RUNX1: variants seen among roughly 807,000 people sequenced by gnomAD.
RUNX1 encodes the protein runt-related transcription factor 1.
In RUNX1, 19 loss-of-function variants were observed where a neutral mutation model predicts 42.8. The observed-to-expected ratio is 0.44, with a 90% CI of 0.31 to 0.65. The LOEUF is 0.65. Ranked by LOEUF, RUNX1 falls within the 30% of genes least tolerant of loss-of-function variation. The pLI, the probability that RUNX1 is intolerant of heterozygous loss-of-function variation, is 0.07. For missense variants in RUNX1, 528 were observed against 672.0 expected (o/e 0.79, Z 2.37); for synonymous variants, 271 against 289.4 (o/e 0.94, Z 0.64).
intron 6 of RUNX1, among the ~76,000 whole-genome samples, chr21:34,839,244 C>T (rs565431815): frequency 2.0e-4 from 30 of 151,370 alleles, no homozygotes; most frequent in African/African-American, 6.9e-4. Flanking sequence ...CAACACCCAC[C>T]GACACACACA....
chr21:34,856,722 A>G (rs993634281), intron 6 of RUNX1, among the ~76,000 whole-genome samples: 1 of 152,120 alleles, frequency 6.6e-6, no homozygotes, highest in Non-Finnish European at 1.5e-5. Context: ...AAACTAGAGA[A>G]TTTTCCAAAA....
At chr21:35,046,059 CT>C (rs1198981246) in intron 2 of RUNX1, among the ~76,000 whole-genome samples, 1 of 152,232 alleles carries the variant, frequency 6.6e-6, no homozygotes, top group Admixed American at 6.5e-5. Flanking sequence ...TGCCGACACA[CT>C]GCACTTTTCA....
chr21:34,859,047 T>C lies in RUNX1; in HGVS notation c.613+427A>G, dbSNP rs189861540. On this transcript the variant is annotated intron_variant, in intron 6 of 8. Coordinates refer to ENST00000675419, the MANE Select transcript of RUNX1 (RefSeq NM_001754.5). The stretch of plus-strand genomic sequence containing the variant: ...AGTTTTCATCTCTGGCCCTCATGAA[T>C]TAATAAAAGGCCAGCATAGACGGTA... Among the ~76,000 whole-genome samples the C allele has an allele frequency of 1.1e-3, 163 of 152,332 alleles. 1 individual carries two copies. Among genetic ancestry groups the C allele is most frequent in the Admixed American group, 2.4e-3 (37 of 15,298 alleles).
At chr21:34,955,200 G>A (rs185168407) in intron 2 of RUNX1, among the ~76,000 whole-genome samples, 293 of 151,962 alleles carry the variant, frequency 1.9e-3, no homozygotes, top group Middle Eastern at 6.8e-3. Flanking sequence ...GGAAGCTACC[G>A]AATCCAGATC....
chr21:34,918,149 A>AAAG (rs2058326606), intron 2 of RUNX1, among the ~76,000 whole-genome samples: 1 of 150,812 alleles, frequency 6.6e-6, no homozygotes, highest in African/African-American at 2.4e-5. Context: ...AAAAAAAAAA[A>AAAG]GTCCTTGGCT....
At chr21:34,857,302 G>A (rs1021274892) in intron 6 of RUNX1, among the ~76,000 whole-genome samples, 1 of 152,164 alleles carries the variant, frequency 6.6e-6, no homozygotes, top group East Asian at 1.9e-4. Context: ...AACAGCAGGG[G>A]CAGAGTAAAC....
chr21:34,788,757 C>G lies in RUNX1; in HGVS notation c.*3378G>C, dbSNP rs1008637743. On this transcript the variant is annotated 3_prime_UTR_variant, in exon 9 of 9. Transcript: ENST00000675419. ...ACAAAAATCCCAAAACAAATGTATACGCTACGGTAAACAAAAAGGCATTTT... is the reference window on the plus strand; with the variant it reads ...ACAAAAATCCCAAAACAAATGTATAGGCTACGGTAAACAAAAAGGCATTTT... 2 of 233,474 alleles carry G rather than the reference C, an allele frequency of 8.6e-6. No individual in the cohort carries two copies. Among genetic ancestry groups the G allele is most frequent in the African/African-American group, 4.4e-5 (2 of 45,420 alleles). 14.5% of individuals were successfully genotyped at this position (233,474 alleles called of 1,614,324 possible).
chr21:34,958,871 T>TA (rs1381918856), intron 2 of RUNX1, among the ~76,000 whole-genome samples: 1 of 151,894 alleles, frequency 6.6e-6, no homozygotes, highest in Admixed American at 6.6e-5. Flanking sequence ...TATGCAGCCA[T>TA]AAAAAAGGAT....
At chr21:34,988,427 AG>A (rs2058908577) in intron 2 of RUNX1, among the ~76,000 whole-genome samples, 2 of 152,254 alleles carry the variant, frequency 1.3e-5, no homozygotes, top group Non-Finnish European at 2.9e-5. Flanking sequence ...ATCCCAGGGA[AG>A]GGGATGGCAG....
chr21:34,969,430 G>T (rs922629296), intron 2 of RUNX1, among the ~76,000 whole-genome samples: 42 of 152,122 alleles, frequency 2.8e-4, no homozygotes, highest in African/African-American at 8.9e-4. Flanking sequence ...GGGGATGGGA[G>T]AAAGAGAGGA....
intron 2 of RUNX1, among the ~76,000 whole-genome samples, chr21:34,920,989 G>C (rs1282126005): frequency 1.3e-5 from 2 of 152,156 alleles, no homozygotes; most frequent in Non-Finnish European, 2.9e-5. Flanking sequence ...CTCCTGAGTA[G>C]CTGGGATTAT....
At chr21:34,875,810 T>G (rs1048908554) in intron 5 of RUNX1, among the ~76,000 whole-genome samples, 1 of 152,160 alleles carries the variant, frequency 6.6e-6, no homozygotes, top group Non-Finnish European at 1.5e-5. Flanking sequence ...TACCTTCCCT[T>G]CCTCTTGACC....
rs950945472 is a variant in RUNX1, at chr21:34,911,064, C to T, written c.59-18101G>A. On this transcript the variant is annotated intron_variant, in intron 2 of 8. Coordinates refer to ENST00000675419, the MANE Select transcript of RUNX1 (RefSeq NM_001754.5). ...ATACTGATGTTTTATTTAAATATCG[C>T]ATAATATTTCAGTAAAAGGCCTGCA... is the stretch of plus-strand genomic sequence containing the variant. Among the ~76,000 whole-genome samples, 9 of 152,106 alleles carry T rather than the reference C, an allele frequency of 5.9e-5. No homozygotes were observed. In the East Asian group the frequency reaches 1.7e-3, roughly 29 times the overall value.
At chr21:35,024,325 C>T (rs2059220701) in intron 2 of RUNX1, among the ~76,000 whole-genome samples, 1 of 152,218 alleles carries the variant, frequency 6.6e-6, no homozygotes. Context: ...TAGCAGAAAC[C>T]TGGTTCTTTG....
chr21:34,816,096 G>C (rs1464635797), intron 7 of RUNX1, among the ~76,000 whole-genome samples: 1 of 152,178 alleles, frequency 6.6e-6, no homozygotes, highest in African/African-American at 2.4e-5. Flanking sequence ...AATGGAGAAA[G>C]GAAACAGCCA....
Position 34,907,592 on chromosome 21 carries a change from G to C in RUNX1, c.59-14629C>G, listed in dbSNP as rs2058233300. Among the ~76,000 whole-genome samples the C allele has an allele frequency of 6.6e-6, 1 of 152,026 alleles. No individual in the cohort carries two copies. Among genetic ancestry groups the C allele is most frequent in the Admixed American group, 6.6e-5 (1 of 15,246 alleles). ...TACTCAATTTGTTACTTGACTTGGT[G>C]TTTGGCTCCCTGTGACTCTCTGAAG... On this transcript the variant is annotated intron_variant, in intron 2 of 8. Transcript: ENST00000675419. This position sits in a 1 kb window ranked among gnomAD's most constrained non-coding sequence, Gnocchi z 5.3.
intron 4 of RUNX1, among the ~76,000 whole-genome samples, chr21:34,881,888 T>C (rs1274758067): frequency 6.6e-6 from 1 of 152,224 alleles, no homozygotes; most frequent in Non-Finnish European, 1.5e-5. Context: ...GTTTCTATTT[T>C]TCAAAGCAGT....
At chr21:34,806,327 G>C (rs1253128328) in intron 7 of RUNX1, among the ~76,000 whole-genome samples, 1 of 152,150 alleles carries the variant, frequency 6.6e-6, no homozygotes, top group East Asian at 1.9e-4. Context: ...AAGAAAGCCA[G>C]AGCAGCGATG....
chr21:34,958,846 TAC>T (rs1357853152), intron 2 of RUNX1, among the ~76,000 whole-genome samples: 1 of 151,940 alleles, frequency 6.6e-6, no homozygotes, highest in African/African-American at 2.4e-5. Flanking sequence ...GTGGCACATA[TAC>T]ACCATGGAAT....
Sources: gnomAD v4.1 joint callset for allele counts (sites outside exome capture counted in the v4.1 genomes callset) on GRCh38, gnomAD v4.1.1 for gene constraint, Gnocchi (gnomAD v3.1) non-coding constraint, MANE v1.5 for transcripts, NCBI Gene and HGNC (gene_info 2026-07-23, HGNC 2026-07-21) for gene names.